The following ZPLD1 variants were observed in gnomAD, a reference collection of about 807,000 sequenced individuals.
ZPLD1 encodes zona pellucida like domain containing 1, also known as zona pellucida-like domain-containing protein 1.
In ZPLD1, 34 loss-of-function variants were observed where a neutral mutation model predicts 47.2. The ratio of observed to expected loss-of-function variants is 0.72; its 90% CI spans 0.55 to 0.96. The LOEUF is 0.96. Ranked by LOEUF, ZPLD1 falls within the 40% of genes least tolerant of loss-of-function variation. The pLI, the probability that ZPLD1 is intolerant of heterozygous loss-of-function variation, is 0.00. For synonymous variants in ZPLD1, 176 were observed against 186.2 expected, an observed-to-expected ratio of 0.95 and a Z score of 0.45; for missense variants, 512 against 505.8, an observed-to-expected ratio of 1.01 and a Z score of -0.12.
chr3:102,436,173 AT>A (rs1010243325), intron 1 of ZPLD1, among the ~76,000 whole-genome samples: 5 of 152,182 alleles, frequency 3.3e-5, no homozygotes, highest in Non-Finnish European at 7.3e-5. Context: ...CTGAGATGTG[AT>A]TTAAAGCTTT....
At chr3:102,453,167 G>C in intron 4 of ZPLD1, 28 bp downstream of exon 4, 1 of 1,578,280 alleles carries the variant, frequency 6.3e-7, no homozygotes, top group East Asian at 2.3e-5. Context: ...TTGTGTGCTA[G>C]GTCTGGGGTC....
intron 5 of ZPLD1, 144 bp from the exon 6 acceptor site, chr3:102,457,637 A>G: frequency 1.6e-6 from 1 of 639,198 alleles, no homozygotes; most frequent in Non-Finnish European, 2.7e-6. Flanking sequence ...ATCTGTTCAG[A>G]GATTTAAACA....
At chr3:102,461,854 C>T (rs1237118704) in intron 6 of ZPLD1, among the ~76,000 whole-genome samples, 7 of 151,974 alleles carry the variant, frequency 4.6e-5, no homozygotes, top group Non-Finnish European at 1.0e-4. Context: ...ATAAGAACTA[C>T]AGTGCCTACA....
At chr3:102,420,824 A>C (rs1706868613) in intron 8 of ZPLD1, among the ~76,000 whole-genome samples, 1 of 151,978 alleles carries the variant, frequency 6.6e-6, no homozygotes, top group Admixed American at 6.6e-5. Flanking sequence ...GTTCTTGGAA[A>C]GTGACAAAAA....
chr3:102,395,265 C>A (rs1044121694), intron 7 of ZPLD1, among the ~76,000 whole-genome samples: 7 of 152,056 alleles, frequency 4.6e-5, no homozygotes, highest in Non-Finnish European at 1.0e-4. Flanking sequence ...TATATATACA[C>A]ACACATATAT....
At position 102,435,040 on chromosome 3, in the gene ZPLD1, A is replaced by G; in HGVS notation, c.-237A>G. 1 of 1,524,814 alleles carries G rather than the reference A, an allele frequency of 6.6e-7. No homozygotes were observed. The highest frequency in any genetic ancestry group is 9.1e-7 in the Non-Finnish European group (1 of 1,099,428). 94.5% of individuals were successfully genotyped at this position (1,524,814 alleles called of 1,614,324 possible). Reference sequence around the variant, plus strand: ...TAAAGGGTGTTAACATAATCCCCCAATCCCATACAATTCAATTTCAGAAAA... The same window carrying G: ...TAAAGGGTGTTAACATAATCCCCCAGTCCCATACAATTCAATTTCAGAAAA... On this transcript the variant is annotated 5_prime_UTR_variant, in exon 1 of 12. Coordinates refer to ENST00000466937, the MANE Select transcript of ZPLD1 (RefSeq NM_001329788.2).
intron 3 of ZPLD1, among the ~76,000 whole-genome samples, chr3:102,451,870 A>G (rs1393478324): frequency 6.6e-6 from 1 of 152,124 alleles, no homozygotes; most frequent in African/African-American, 2.4e-5. Context: ...TTACCCCAGT[A>G]TTACCTCATC....
At chr3:102,411,444 G>A (rs1242470844) in intron 7 of ZPLD1, among the ~76,000 whole-genome samples, 1 of 151,734 alleles carries the variant, frequency 6.6e-6, no homozygotes, top group East Asian at 1.9e-4. Flanking sequence ...TTTAAAAATA[G>A]TTATTTATGC....
intron 7 of ZPLD1, among the ~76,000 whole-genome samples, chr3:102,407,738 A>T (rs1043673942): frequency 1.3e-5 from 2 of 151,658 alleles, no homozygotes; most frequent in African/African-American, 4.8e-5. Flanking sequence ...AGAGCTATGA[A>T]AAATAAGAGA....
chr3:102,475,922 T>C (rs777539692), intron 10 of ZPLD1, among the ~76,000 whole-genome samples: 1 of 152,168 alleles, frequency 6.6e-6, no homozygotes, highest in Non-Finnish European at 1.5e-5. Flanking sequence ...GCTTGAGATA[T>C]TCATCTTCAT....
At chr3:102,463,396 A>G (rs942851580) in intron 7 of ZPLD1, among the ~76,000 whole-genome samples, 1 of 152,204 alleles carries the variant, frequency 6.6e-6, no homozygotes, top group Non-Finnish European at 1.5e-5. Context: ...ACAAAAAGCT[A>G]TTGTTTATAG....
intron 8 of ZPLD1, among the ~76,000 whole-genome samples, chr3:102,421,192 G>C (rs1158884270): frequency 6.6e-6 from 1 of 151,792 alleles, no homozygotes; most frequent in Non-Finnish European, 1.5e-5. Context: ...GCTTATCTGA[G>C]AAAAGCCAGA....
intron 7 of ZPLD1, among the ~76,000 whole-genome samples, chr3:102,414,890 G>A (rs1037594097): frequency 6.6e-6 from 1 of 151,754 alleles, no homozygotes; most frequent in Non-Finnish European, 1.5e-5. Flanking sequence ...TCTTTTTGTG[G>A]TAAAATAATA....
rs1001271976 is a variant in ZPLD1 at position 102,479,661 on chromosome 3, G to T, written c.*2043G>T. On this transcript the variant is annotated 3_prime_UTR_variant, in exon 12 of 12. Coordinates refer to ENST00000466937, the MANE Select transcript of ZPLD1 (RefSeq NM_001329788.2). ...TTTACAACTTTGTTCTTATAAATCT[G>T]CAGTTATATGGAGTATTTAGTTATA... is the stretch of plus-strand genomic sequence containing the variant. 9.9e-5 allele frequency: 15 copies of T among 152,218 alleles called. No homozygotes were observed. Among genetic ancestry groups the T allele is most frequent in the Middle Eastern group, 3.4e-3 (1 of 294 alleles). 9.4% of individuals were successfully genotyped at this position (152,218 alleles called of 1,614,324 possible).
chr3:102,407,385 A>C (rs1157198757), intron 7 of ZPLD1, among the ~76,000 whole-genome samples: 2 of 100,260 alleles, frequency 2.0e-5, no homozygotes, highest in Non-Finnish European at 4.0e-5. Context: ...AGAAGCCTTG[A>C]TTTTCAAATA....
upstream of ZPLD1, among the ~76,000 whole-genome samples, chr3:102,433,763 T>A (rs2107316509): frequency 6.6e-6 from 1 of 152,244 alleles, no homozygotes; most frequent in Middle Eastern, 3.4e-3. Context: ...TCTCCTGACC[T>A]CGTGATACAC....
intron 5 of ZPLD1, among the ~76,000 whole-genome samples, chr3:102,457,026 A>G (rs1427376842): frequency 1.3e-5 from 2 of 152,270 alleles, no homozygotes; most frequent in Non-Finnish European, 2.9e-5. Context: ...ACATTAAAAT[A>G]TAATCACCTG....
At chr3:102,465,307 C>T (rs1707573740) in intron 8 of ZPLD1, among the ~76,000 whole-genome samples, 1 of 152,042 alleles carries the variant, frequency 6.6e-6, no homozygotes, top group South Asian at 2.1e-4. Context: ...GTTGAGAGTC[C>T]ATACAGGCAC....
intron 7 of ZPLD1, among the ~76,000 whole-genome samples, chr3:102,415,761 A>G (rs1348514054): frequency 1.3e-5 from 2 of 151,872 alleles, no homozygotes; most frequent in Non-Finnish European, 1.5e-5. Flanking sequence ...TTTTACTTTC[A>G]TTTTCTAACT....
Sources: gnomAD v4.1 joint callset for allele counts (sites outside exome capture counted in the v4.1 genomes callset) on GRCh38, gnomAD v4.1.1 for gene constraint, MANE v1.5 for transcripts, NCBI Gene and HGNC (gene_info 2026-07-23, HGNC 2026-07-21) for gene names.